DRC11: variants seen among roughly 807,000 people sequenced by gnomAD.
DRC11 encodes dynein regulatory complex subunit 11, also known as IQ and AAA domain-containing protein 1.
the DRC11 span, among the ~76,000 whole-genome samples, chr2:236,357,038 TTCA>T: frequency 2.9e-5 from 3 of 103,960 alleles, no homozygotes; most frequent in African/African-American, 9.8e-5. Flanking sequence ...TATTTATATA[TTCA>T]TATATTATAT....
the DRC11 span, among the ~76,000 whole-genome samples, chr2:236,318,625 A>C: frequency 7.9e-4 from 114 of 143,928 alleles, no homozygotes; most frequent in East Asian, 0.017. The surrounding 1 kb of genome is among the most constrained non-coding windows in gnomAD (Gnocchi z 7.0). Context: ...TGTGGTGTGC[A>C]TATATCGTTT....
At chr2:236,423,366 C>G in the DRC11 span, among the ~76,000 whole-genome samples, 1 of 151,454 alleles carries the variant, frequency 6.6e-6, no homozygotes, top group Non-Finnish European at 1.5e-5. Context: ...AAAAAAAAAA[C>G]AACGCCATCA....
At chr2:236,401,170 A>C in the DRC11 span, among the ~76,000 whole-genome samples, 4 of 151,714 alleles carry the variant, frequency 2.6e-5, no homozygotes, top group South Asian at 8.4e-4. The surrounding 1 kb of genome is among the most constrained non-coding windows in gnomAD (Gnocchi z 4.6). Context: ...GCCCCCGCCC[A>C]CCTCTGGGGC....
chr2:236,450,575 C>T, the DRC11 span, among the ~76,000 whole-genome samples: 1 of 152,144 alleles, frequency 6.6e-6, no homozygotes, highest in South Asian at 2.1e-4. Context: ...GCCTCAGCCT[C>T]CCAAAGTGCT....
the DRC11 span, among the ~76,000 whole-genome samples, chr2:236,317,400 G>T: frequency 6.6e-6 from 1 of 152,146 alleles, no homozygotes; most frequent in African/African-American, 2.4e-5. The surrounding 1 kb of genome is among the most constrained non-coding windows in gnomAD (Gnocchi z 5.4). Context: ...GACGAACTGC[G>T]ACTGCCTGCA....
the DRC11 span, chr2:236,331,523 C>T: frequency 6.2e-7 from 1 of 1,613,972 alleles, no homozygotes; most frequent in Admixed American, 1.7e-5. The surrounding 1 kb of genome is among the most constrained non-coding windows in gnomAD (Gnocchi z 4.8). Context: ...CCGTCAGTGA[C>T]CTTCGCCAGG....
At chr2:236,362,243 T>C in the DRC11 span, among the ~76,000 whole-genome samples, 1 of 152,050 alleles carries the variant, frequency 6.6e-6, no homozygotes, top group African/African-American at 2.4e-5. This position sits in a 1 kb window ranked among gnomAD's most constrained non-coding sequence, Gnocchi z 5.7. Flanking sequence ...ATGAAAACAA[T>C]AACCCAATGA....
chr2:236,397,676 A>G, the DRC11 span, among the ~76,000 whole-genome samples: 1 of 152,258 alleles, frequency 6.6e-6, no homozygotes, highest in Non-Finnish European at 1.5e-5. This position sits in a 1 kb window ranked among gnomAD's most constrained non-coding sequence, Gnocchi z 5.0. Flanking sequence ...TATGCAAAGC[A>G]GAGTCTTAGA....
chr2:236,474,803 T>TA, the DRC11 span, among the ~76,000 whole-genome samples: 1 of 152,130 alleles, frequency 6.6e-6, no homozygotes, highest in Non-Finnish European at 1.5e-5. Flanking sequence ...TTAATATTAC[T>TA]TTTTTTGTTT....
the DRC11 span, chr2:236,331,497 A>G: frequency 6.2e-7 from 1 of 1,613,924 alleles, no homozygotes; most frequent in Admixed American, 1.7e-5. This position sits in a 1 kb window ranked among gnomAD's most constrained non-coding sequence, Gnocchi z 4.8. Flanking sequence ...CTTCGACTAT[A>G]TGTCCTTGGG....
At chr2:236,397,869 C>T in the DRC11 span, among the ~76,000 whole-genome samples, 3 of 152,352 alleles carry the variant, frequency 2.0e-5, no homozygotes, top group East Asian at 5.8e-4. The surrounding 1 kb of genome is among the most constrained non-coding windows in gnomAD (Gnocchi z 5.0). Flanking sequence ...TAATCCCCAA[C>T]ATATAAGCTC....
chr2:236,353,428 C>T, the DRC11 span, among the ~76,000 whole-genome samples: 8 of 152,148 alleles, frequency 5.3e-5, no homozygotes, highest in Admixed American at 4.6e-4. This position sits in a 1 kb window ranked among gnomAD's most constrained non-coding sequence, Gnocchi z 5.0. Context: ...CACTGTCAAA[C>T]ATTCACCATC....
At chr2:236,441,806 C>T in the DRC11 span, among the ~76,000 whole-genome samples, 2 of 152,262 alleles carry the variant, frequency 1.3e-5, no homozygotes, top group African/African-American at 4.8e-5. Flanking sequence ...GAGGTGACCA[C>T]CATGTTTAAA....
At chr2:236,319,179 C>G in the DRC11 span, among the ~76,000 whole-genome samples, 9 of 152,216 alleles carry the variant, frequency 5.9e-5, no homozygotes, top group Non-Finnish European at 1.2e-4. This position sits in a 1 kb window ranked among gnomAD's most constrained non-coding sequence, Gnocchi z 6.7. Context: ...CCCCATGGCA[C>G]TTGTTCTGCT....
the DRC11 span, among the ~76,000 whole-genome samples, chr2:236,421,109 G>T: frequency 6.6e-6 from 1 of 152,012 alleles, no homozygotes; most frequent in African/African-American, 2.4e-5. Context: ...GGAGCAGGTT[G>T]TTCAGTTAAA....
At chr2:236,372,871 C>T in the DRC11 span, among the ~76,000 whole-genome samples, 1 of 152,126 alleles carries the variant, frequency 6.6e-6, no homozygotes, top group Non-Finnish European at 1.5e-5. The surrounding 1 kb of genome is among the most constrained non-coding windows in gnomAD (Gnocchi z 4.5). Flanking sequence ...CTCCGCCTCC[C>T]AGAGTGCTGA....
the DRC11 span, among the ~76,000 whole-genome samples, chr2:236,309,521 G>A: frequency 6.6e-6 from 1 of 152,096 alleles, no homozygotes; most frequent in Non-Finnish European, 1.5e-5. This position sits in a 1 kb window ranked among gnomAD's most constrained non-coding sequence, Gnocchi z 5.7. Flanking sequence ...AGGCCCCCCA[G>A]GCAGGCTCAA....
the DRC11 span, among the ~76,000 whole-genome samples, chr2:236,484,633 G>A: frequency 2.6e-5 from 4 of 151,184 alleles, no homozygotes; most frequent in African/African-American, 9.8e-5. Context: ...AAATTCCAAG[G>A]GTTGGCACTA....
the DRC11 span, among the ~76,000 whole-genome samples, chr2:236,473,877 C>G: frequency 6.6e-6 from 1 of 151,914 alleles, no homozygotes; most frequent in East Asian, 1.9e-4. The surrounding 1 kb of genome is among the most constrained non-coding windows in gnomAD (Gnocchi z 4.8). Context: ...GTTTCAGTTA[C>G]TAAATAGTCA....
Sources: allele counts gnomAD v4.1 joint callset (sites outside exome capture counted in the v4.1 genomes callset), GRCh38; gene constraint gnomAD v4.1.1; non-coding constraint Gnocchi (gnomAD v3.1); transcripts MANE v1.5; gene names NCBI Gene and HGNC (gene_info 2026-07-23, HGNC 2026-07-21).